The following MGAT5 variants were observed in gnomAD, a reference collection of about 807,000 sequenced individuals.
The protein encoded by MGAT5 is alpha-1,6-mannosylglycoprotein 6-beta-N-acetylglucosaminyltransferase A.
In MGAT5, 30 loss-of-function variants were observed where a neutral mutation model predicts 94.3. The ratio of observed to expected loss-of-function variants is 0.32; its 90% CI spans 0.24 to 0.43. The LOEUF (loss-of-function observed/expected upper bound fraction) is 0.43. Ranked by LOEUF, MGAT5 falls within the 20% of genes least tolerant of loss-of-function variation. The probability of loss-of-function intolerance (pLI) is 1.00; values close to 1 mark genes in which losing one functional copy is unlikely to be tolerated. For synonymous variants in MGAT5, 310 were observed against 322.9 expected (o/e 0.96, Z 0.43); for missense variants, 691 against 905.5 (o/e 0.76, Z 3.04).
chr2:134,311,736 G>A (rs1021856535), intron 2 of MGAT5, among the ~76,000 whole-genome samples: 3 of 151,674 alleles, frequency 2.0e-5, no homozygotes, highest in African/African-American at 4.9e-5. Context: ...TCAGCAGTGA[G>A]GAGTGGTTAT....
At chr2:134,171,755 C>G (rs989065064) in intron 1 of MGAT5, among the ~76,000 whole-genome samples, 3 of 152,128 alleles carry the variant, frequency 2.0e-5, no homozygotes, top group Non-Finnish European at 4.4e-5. Context: ...GATTCCTATT[C>G]TAAAGTGGAC....
chr2:134,221,348 A>G (rs1045407938), intron 1 of MGAT5, among the ~76,000 whole-genome samples: 1 of 152,222 alleles, frequency 6.6e-6, no homozygotes, highest in Non-Finnish European at 1.5e-5. Flanking sequence ...CTGGTTGACA[A>G]TTGGTTGAGT....
intron 1 of MGAT5, among the ~76,000 whole-genome samples, chr2:134,262,859 G>A (rs1683423657): frequency 6.6e-6 from 1 of 152,218 alleles, no homozygotes; most frequent in Non-Finnish European, 1.5e-5. Flanking sequence ...ATTTACAGGG[G>A]TAGAGCCTGA....
At chr2:134,164,431 G>T (rs1329692774) in intron 1 of MGAT5, among the ~76,000 whole-genome samples, 2 of 152,114 alleles carry the variant, frequency 1.3e-5, no homozygotes, top group Non-Finnish European at 2.9e-5. Flanking sequence ...AGGAAGAATT[G>T]TAGAGGTTAA....
At chr2:134,231,815 A>G (rs116199490) in intron 1 of MGAT5, among the ~76,000 whole-genome samples, 1,836 of 152,278 alleles carry the variant, frequency 0.012, 36 homozygotes, top group African/African-American at 0.042. Context: ...AGTGGCTGAC[A>G]TGGCTGAGTA....
rs1688645114 is a variant in MGAT5 at position 134,341,773 on chromosome 2, T to C, written c.977+14T>C. 1.3e-6 allele frequency: 2 copies of C among 1,580,518 alleles called. No homozygotes were observed. Among genetic ancestry groups the C allele is most frequent in the African/African-American group, 2.7e-5 (2 of 72,862 alleles). On this transcript the variant is annotated intron_variant, in intron 7 of 15. Transcript: ENST00000281923. ...TGAGCTCAAGGAGTAAGGAGATTAC[T>C]TTTCAATTTTAAAATCAGAATACAA...
At chr2:134,283,456 A>C (rs537395879) in intron 2 of MGAT5, among the ~76,000 whole-genome samples, 2 of 152,232 alleles carry the variant, frequency 1.3e-5, no homozygotes, top group East Asian at 3.9e-4. Context: ...CCAAATGGGG[A>C]GCAGGTTCTA....
At chr2:134,252,372 C>G (rs555065679), upstream of MGAT5, among the ~76,000 whole-genome samples, 1 of 152,106 alleles carries the variant, frequency 6.6e-6, no homozygotes, top group Non-Finnish European at 1.5e-5. Flanking sequence ...GAGGAACTTA[C>G]GTTATGATAG....
At chr2:134,239,967 A>G (rs187662554) in intron 1 of MGAT5, among the ~76,000 whole-genome samples, 2 of 152,192 alleles carry the variant, frequency 1.3e-5, no homozygotes, top group East Asian at 3.9e-4. Context: ...TGAAGAGGGA[A>G]GCACTGTCAG....
intron 2 of MGAT5, among the ~76,000 whole-genome samples, chr2:134,286,267 C>T (rs1573705719): frequency 6.6e-6 from 1 of 152,130 alleles, no homozygotes; most frequent in African/African-American, 2.4e-5. Flanking sequence ...GCATCCTGGG[C>T]CTGCTGTACA....
chr2:134,130,284 T>TG (rs1270945168), intron 1 of MGAT5, among the ~76,000 whole-genome samples: 5 of 65,098 alleles, frequency 7.7e-5, no homozygotes, highest in Non-Finnish European at 1.6e-4. Context: ...ACCCTGGCGG[T>TG]GGGCTCCCGA....
rs140499078 is a variant in MGAT5 at position 134,344,790 on chromosome 2, A to G, written c.978-140A>G. The G allele has an allele frequency of 9.2e-4, 851 of 920,044 alleles. 8 individuals are homozygous for G. The African/African-American group carries it at 0.011, about 12-fold the overall frequency. The allele number at this position is 920,044 out of a possible 1,614,324, so 57.0% of individuals were successfully genotyped here. ...ATGGATGGAAATAATTTATATAGGT[A>G]GCAGATTTGAAAGGGCCATGCTGTC... is the stretch of plus-strand genomic sequence containing the variant. On this transcript the variant is annotated intron_variant, in intron 7 of 15. Coordinates refer to ENST00000281923, the MANE Select transcript of MGAT5 (RefSeq NM_002410.5).
At chr2:134,402,886 C>T in intron 10 of MGAT5, 102 bp from the exon 11 acceptor site, 1 of 1,183,748 alleles carries the variant, frequency 8.4e-7, no homozygotes, top group Non-Finnish European at 1.1e-6. Context: ...ATTAAGAACT[C>T]TCTGTCTGTG....
Position 134,423,810 on chromosome 2 carries a change from A to G in MGAT5, c.1794+891A>G, listed in dbSNP as rs113597616. The stretch of plus-strand genomic sequence containing the variant: ...ATGAGATAATGTATGTAAAGTGCTT[A>G]AGTTCAATGTCTACTTGTGTTTAGT... On this transcript the variant is annotated intron_variant, in intron 13 of 15. Transcript: ENST00000281923. Among the ~76,000 whole-genome samples the G allele has an allele frequency of 9.8e-3, 1,473 of 150,360 alleles. 22 individuals are homozygous for G. The highest frequency in any genetic ancestry group is 0.034 in the African/African-American group (1,371 of 40,446).
intron 2 of MGAT5, among the ~76,000 whole-genome samples, chr2:134,296,825 A>G (rs1219810388): frequency 1.3e-5 from 2 of 152,198 alleles, no homozygotes; most frequent in Non-Finnish European, 2.9e-5. Flanking sequence ...ACAAGGTAAT[A>G]CAATGAATAA....
At chr2:134,252,722 G>T (rs566104606), upstream of MGAT5, among the ~76,000 whole-genome samples, 1 of 152,258 alleles carries the variant, frequency 6.6e-6, no homozygotes, top group African/African-American at 2.4e-5. Flanking sequence ...GGCCTTCTGG[G>T]CTACAAAGAG....
chr2:134,273,196 A>G (rs1684144743), intron 2 of MGAT5, among the ~76,000 whole-genome samples: 1 of 152,180 alleles, frequency 6.6e-6, no homozygotes, highest in Non-Finnish European at 1.5e-5. Context: ...TGCCATGTCT[A>G]TAGAGTACCA....
At chr2:134,437,484 A>G (rs1383258593) in intron 14 of MGAT5, among the ~76,000 whole-genome samples, 1 of 152,220 alleles carries the variant, frequency 6.6e-6, no homozygotes, top group Non-Finnish European at 1.5e-5. Flanking sequence ...AGGAGCTTTC[A>G]GCCTTCGTGG....
At chr2:134,206,269 T>G (rs1255281349) in intron 1 of MGAT5, among the ~76,000 whole-genome samples, 1 of 152,214 alleles carries the variant, frequency 6.6e-6, no homozygotes, top group African/African-American at 2.4e-5. Context: ...GGCCACTTCC[T>G]GCTGAGTCTT....
Sources: gnomAD v4.1 joint callset for allele counts (sites outside exome capture counted in the v4.1 genomes callset) on GRCh38, gnomAD v4.1.1 for gene constraint, MANE v1.5 for transcripts, NCBI Gene and HGNC (gene_info 2026-07-23, HGNC 2026-07-21) for gene names.